The following GLYR1 variants were observed in gnomAD, a reference collection of about 807,000 sequenced individuals.
GLYR1 encodes the protein cytokine-like nuclear factor N-PAC.
A neutral mutation model predicts 72.7 loss-of-function variants in GLYR1; 21 were observed. The observed-to-expected ratio is 0.29, with a 90% CI of 0.20 to 0.42. GLYR1 has a LOEUF of 0.42. Ranked by LOEUF, GLYR1 falls within the 10% of genes least tolerant of loss-of-function variation. The pLI, the probability that GLYR1 is intolerant of heterozygous loss-of-function variation, is 1.00. For synonymous variants in GLYR1, 392 were observed against 270.2 expected, an observed-to-expected ratio of 1.45 and a Z score of -4.42; for missense variants, 594 against 712.1, an observed-to-expected ratio of 0.83 and a Z score of 1.89.
chr16:4,841,651 GAAC>G (rs140268529), intron 3 of GLYR1, among the ~76,000 whole-genome samples: 55,942 of 149,872 alleles, frequency 0.37, 10,779 homozygotes, highest in African/African-American at 0.44. Context: ...AACCAAACAA[GAAC>G]AACAACAACA....
At position 4,811,291 on chromosome 16, in the gene GLYR1, A is replaced by G; in HGVS notation, c.1466T>C (p.Ile489Thr). 6.2e-7 allele frequency: 1 copy of G among 1,613,494 alleles called. No individual in the cohort carries two copies. The highest frequency in any genetic ancestry group is 2.2e-5 in the East Asian group (1 of 44,868). Residue 489 changes from isoleucine (I) to threonine (T), a missense_variant, in exon 15 of 16, where the codon ATC becomes ACC. This residue lies in a region of GLYR1 where 266 missense variants were observed against 358.4 expected (regional missense o/e 0.74). Coordinates refer to ENST00000321919, the MANE Select transcript of GLYR1 (RefSeq NM_032569.4). ...ATCAGGCTTAAAGTTTCCTTGCAGG[A>G]TATCTGAGGAGAAAAAGCCAGTATC... ...SIFLDQKCQN[I>T]LQGNFKPDFY...
intron 14 of GLYR1, 134 bp from the exon 15 acceptor site, chr16:4,811,428 C>T: frequency 2.2e-6 from 3 of 1,340,312 alleles, no homozygotes; most frequent in South Asian, 1.4e-5. Flanking sequence ...TGGCTCCTCA[C>T]TCACCCTTAG....
intron 5 of GLYR1, among the ~76,000 whole-genome samples, chr16:4,825,164 G>A (rs974945015): frequency 6.6e-6 from 1 of 152,162 alleles, no homozygotes; most frequent in Non-Finnish European, 1.5e-5. Context: ...AGATTATGAT[G>A]CTTCTTTGCC....
chr16:4,803,219 G>GTT lies in GLYR1; in HGVS notation c.*2015_*2016dup, dbSNP rs1311377209. ...CGGCACAGCTGTGTTACCAAGAAGT[G>GTT]TTTTATTTTTCTTGCAGTAGCTTTG... On this transcript the variant is annotated 3_prime_UTR_variant, in exon 16 of 16. Transcript: ENST00000321919. The GTT allele has an allele frequency of 6.6e-6, 1 of 152,666 alleles. No individual in the cohort carries two copies. The highest frequency in any genetic ancestry group is 2.4e-5 in the African/African-American group (1 of 41,454). The allele number at this position is 152,666 out of a possible 1,614,324, so 9.5% of individuals were successfully genotyped here. A position where few individuals can be genotyped will look rare whatever the true frequency, so the allele number is the denominator to read the frequency against.
Position 4,821,607 on chromosome 16 carries a change from G to A in GLYR1, c.682-10C>T, listed in dbSNP as rs2141985930. On this transcript the variant is annotated splice_polypyrimidine_tract_variant and intron_variant, in intron 7 of 15. Transcript: ENST00000321919. ...GGTAACAGACAGCTGGCTAATGAAG[G>A]AGGAGGAAAGAGACTACTTGTGCTA... 4 of 1,613,376 alleles carry A rather than the reference G, an allele frequency of 2.5e-6. No homozygotes were observed. Among genetic ancestry groups the A allele is most frequent in the East Asian group, 2.2e-5 (1 of 44,890 alleles).
chr16:4,834,885 G>A (rs748910890), intron 3 of GLYR1, among the ~76,000 whole-genome samples: 22 of 152,126 alleles, frequency 1.4e-4, no homozygotes, highest in Non-Finnish European at 2.4e-4. Context: ...GAATATCCCT[G>A]AACTGACTCC....
intron 10 of GLYR1, among the ~76,000 whole-genome samples, chr16:4,817,263 G>A (rs981480059): frequency 9.9e-5 from 15 of 151,736 alleles, no homozygotes; most frequent in African/African-American, 3.6e-4. Context: ...GGGACTACAG[G>A]TGCCCGCCAC....
intron 5 of GLYR1, among the ~76,000 whole-genome samples, chr16:4,827,359 T>C (rs62036113): frequency 0.039 from 5,888 of 152,210 alleles, 180 homozygotes; most frequent in Non-Finnish European, 0.062. Context: ...CAGGCACCGA[T>C]TCCCTACCTG....
intron 5 of GLYR1, among the ~76,000 whole-genome samples, chr16:4,826,863 A>C (rs1326769090): frequency 1.3e-5 from 2 of 152,216 alleles, no homozygotes; most frequent in African/African-American, 2.4e-5. Flanking sequence ...GGACTCACCT[A>C]AGGCCACAAT....
At chr16:4,829,187 TGTCTCTCACCAGAG>T (rs1286401999) in intron 5 of GLYR1, among the ~76,000 whole-genome samples, 1 of 152,098 alleles carries the variant, frequency 6.6e-6, no homozygotes, top group African/African-American at 2.4e-5. Flanking sequence ...TGAGAAGGGC[TGTCTCTCACCAGAG>T]GCCTCACACT....
chr16:4,817,747 GTGA>G (rs763455240), intron 9 of GLYR1, 50 bp from the exon 10 acceptor site: 18 of 1,128,896 alleles, frequency 1.6e-5, no homozygotes, highest in South Asian at 3.7e-5. Flanking sequence ...GAGGGTCACG[GTGA>G]TGATGATTCC....
At chr16:4,806,012 T>C (rs912042949) in intron 15 of GLYR1, among the ~76,000 whole-genome samples, 2 of 151,926 alleles carry the variant, frequency 1.3e-5, no homozygotes, top group African/African-American at 2.4e-5. Context: ...CTGTCTCAAA[T>C]AAATAAATAA....
At chr16:4,819,278 G>A (rs1176025899) in intron 9 of GLYR1, among the ~76,000 whole-genome samples, 2 of 152,122 alleles carry the variant, frequency 1.3e-5, no homozygotes, top group Non-Finnish European at 2.9e-5. Flanking sequence ...CTCCCAAAGT[G>A]TTAGGATTAT....
At chr16:4,834,318 G>A (rs1386429669) in intron 3 of GLYR1, among the ~76,000 whole-genome samples, 1 of 27,498 alleles carries the variant, frequency 3.6e-5, no homozygotes, top group Non-Finnish European at 6.7e-5. Flanking sequence ...TTTTTTTTTT[G>A]AGACGGAGTT....
intron 3 of GLYR1, among the ~76,000 whole-genome samples, chr16:4,837,574 G>T (rs1157119368): frequency 2.0e-5 from 3 of 152,124 alleles, no homozygotes; most frequent in Non-Finnish European, 2.9e-5. Context: ...AAGAGAAAGA[G>T]AAAAGGAGAA....
Position 4,833,835 on chromosome 16 carries a change from T to C in GLYR1, c.156-923A>G, listed in dbSNP as rs542234783. Among the ~76,000 whole-genome samples the C allele has an allele frequency of 3.9e-5, 6 of 152,314 alleles. No homozygotes were observed. The East Asian group carries it at 9.6e-4, about 24-fold the overall frequency. ...CTGCTGCAGCTGGCTTTCTATGGCT[T>C]CCCTGAATGGCATGCAGCTTATAGA... On this transcript the variant is annotated intron_variant, in intron 3 of 15. Coordinates refer to ENST00000321919, the MANE Select transcript of GLYR1 (RefSeq NM_032569.4).
intron 9 of GLYR1, among the ~76,000 whole-genome samples, chr16:4,820,043 G>T (rs959531147): frequency 3.9e-5 from 6 of 152,108 alleles, no homozygotes; most frequent in Admixed American, 1.3e-4. Context: ...TGTTGCCCAG[G>T]CTGGAGTGCA....
At chr16:4,836,439 T>C (rs1456404488) in intron 3 of GLYR1, among the ~76,000 whole-genome samples, 3 of 152,200 alleles carry the variant, frequency 2.0e-5, no homozygotes, top group East Asian at 3.8e-4. Flanking sequence ...AGCCCAATTG[T>C]GGCTGGGAAG....
Position 4,813,766 on chromosome 16 carries a change from C to A in GLYR1, c.1090G>T (p.Asp364Tyr). Residue 364 changes from aspartate (D) to tyrosine (Y), a missense_variant, in exon 12 of 16, where the codon GAC (aspartate) becomes TAC (tyrosine). By Grantham distance (160) the Asp-to-Tyr change is radical (BLOSUM62 -3). This residue lies in a region of GLYR1 where 266 missense variants were observed against 358.4 expected (regional missense o/e 0.74). Coordinates refer to ENST00000321919, the MANE Select transcript of GLYR1 (RefSeq NM_032569.4). ...GCCAGCTCAGTGACGGTGTCAGCGT[C>A]CACTGTTGACATGTCCACGTAGCAC... The part of the protein sequence containing the change: ...GKCYVDMSTV[D>Y]ADTVTELAQV... The A allele has an allele frequency of 6.2e-7, 1 of 1,611,480 alleles. No homozygotes were observed. The highest frequency in any genetic ancestry group is 8.5e-7 in the Non-Finnish European group (1 of 1,178,962).
Sources: gnomAD v4.1 joint callset for allele counts (sites outside exome capture counted in the v4.1 genomes callset) on GRCh38, gnomAD v4.1.1 for gene constraint, gnomAD v4.1.1 regional missense constraint, MANE v1.5 for transcripts, NCBI Gene and HGNC (gene_info 2026-07-23, HGNC 2026-07-21) for gene names.